The following NBEA variants were observed in gnomAD, a reference collection of about 807,000 sequenced individuals.
NBEA encodes the protein neurobeachin, also known as lysosomal-trafficking regulator 2.
Under a neutral mutation model 343.4 loss-of-function variants are expected in NBEA, and 44 were observed. The ratio of observed to expected loss-of-function variants is 0.13; its 90% CI spans 0.10 to 0.16. The LOEUF (loss-of-function observed/expected upper bound fraction) is 0.16, where lower values mean the gene tolerates loss of function less well. Ranked by LOEUF, NBEA falls within the 10% of genes least tolerant of loss-of-function variation. NBEA has a pLI of 1.00. For synonymous variants in NBEA, 1,175 were observed against 1,238.7 expected, an observed-to-expected ratio of 0.95 and a Z score of 1.08; for missense variants, 2,555 against 3,631.3, an observed-to-expected ratio of 0.70 and a Z score of 7.62.
At chr13:35,301,614 A>T (rs2036554287) in intron 35 of NBEA, among the ~76,000 whole-genome samples, 1 of 152,018 alleles carries the variant, frequency 6.6e-6, no homozygotes, top group Non-Finnish European at 1.5e-5. Flanking sequence ...TTGGTTCCAC[A>T]TCTTTGCTAT....
At chr13:35,291,493 G>A (rs1448575031) in intron 35 of NBEA, among the ~76,000 whole-genome samples, 13 of 151,942 alleles carry the variant, frequency 8.6e-5, no homozygotes, top group Non-Finnish European at 1.5e-5. Context: ...TATTGATAAG[G>A]AAGAGGTTAA....
At chr13:35,511,901 G>C (rs2077292554) in intron 41 of NBEA, among the ~76,000 whole-genome samples, 1 of 152,088 alleles carries the variant, frequency 6.6e-6, no homozygotes, top group East Asian at 1.9e-4. Context: ...AAAAAAGTAT[G>C]GTTGGAAATT....
chr13:35,361,732 A>G (rs752452810), intron 38 of NBEA, among the ~76,000 whole-genome samples: 2 of 152,042 alleles, frequency 1.3e-5, no homozygotes, highest in Non-Finnish European at 2.9e-5. Flanking sequence ...AGAATGCCAC[A>G]TTCCTTCAGA....
chr13:35,608,585 A>G lies in NBEA; in HGVS notation c.7449+2007A>G, dbSNP rs182373047. On this transcript the variant is annotated intron_variant, in intron 48 of 58. Transcript: ENST00000379939. ...CTTGGCACATACTAGTTGTTCAGGA[A>G]ATATTTCTGAGTGAATGAATGAATT... 3.9e-5 allele frequency among the ~76,000 whole-genome samples: 6 copies of G among 152,308 alleles called. No individual in the cohort carries two copies. The East Asian group carries it at 9.7e-4, about 25-fold the overall frequency.
At chr13:35,338,734 C>A (rs544795190) in intron 36 of NBEA, among the ~76,000 whole-genome samples, 1 of 151,886 alleles carries the variant, frequency 6.6e-6, no homozygotes, top group Non-Finnish European at 1.5e-5. Context: ...ACTATGGATG[C>A]AAAAATCCTG....
intron 18 of NBEA, among the ~76,000 whole-genome samples, chr13:35,149,775 T>G (rs1349746260): frequency 1.3e-5 from 2 of 152,212 alleles, no homozygotes; most frequent in African/African-American, 2.4e-5. Flanking sequence ...TCAGTGCAAC[T>G]TTATATTGAG....
At chr13:35,166,375 G>A (rs897300312) in intron 24 of NBEA, among the ~76,000 whole-genome samples, 2 of 152,080 alleles carry the variant, frequency 1.3e-5, no homozygotes, top group Non-Finnish European at 2.9e-5. Context: ...GTTTTATGAT[G>A]ATTGTACAGT....
intron 34 of NBEA, among the ~76,000 whole-genome samples, chr13:35,246,560 G>A (rs997821960): frequency 2.6e-5 from 4 of 152,002 alleles, no homozygotes; most frequent in African/African-American, 9.7e-5. Context: ...TTTCCCTCTG[G>A]ATCCAGCCAC....
At chr13:35,281,679 TCAAAGAAAAAACAC>T (rs2035062741) in intron 34 of NBEA, among the ~76,000 whole-genome samples, 1 of 152,032 alleles carries the variant, frequency 6.6e-6, no homozygotes, top group Non-Finnish European at 1.5e-5. Flanking sequence ...TTTAAGTATT[TCAAAGAAAAAACAC>T]CAGTGCTTTT....
chr13:35,389,802 A>C (rs1260143707), intron 38 of NBEA, among the ~76,000 whole-genome samples: 1 of 152,148 alleles, frequency 6.6e-6, no homozygotes, highest in Non-Finnish European at 1.5e-5. Flanking sequence ...AGAAAGGAGC[A>C]CAGATAAAGT....
Position 35,585,131 on chromosome 13 carries a change from T to TAAAAAAAA in NBEA, c.7176+1097_7176+1104dup, listed in dbSNP as rs775053482. 9.9e-3 allele frequency among the ~76,000 whole-genome samples: 708 copies of TAAAAAAAA among 71,448 alleles called. 57 individuals carry two copies. In the Admixed American group the frequency reaches 0.12, roughly 12 times the overall value. The allele number at this position is 71,448 out of a possible 152,430, so 46.9% of individuals were successfully genotyped here. ...AAATATATTTAAGTCTCACTGACCT[T>TAAAAAAAA]AAAAAAAAAAAGCCTCCTGCCAGCC... On this transcript the variant is annotated intron_variant, in intron 46 of 58. Transcript: ENST00000379939.
At chr13:35,003,191 G>T (rs2061203275) in intron 1 of NBEA, among the ~76,000 whole-genome samples, 1 of 152,084 alleles carries the variant, frequency 6.6e-6, no homozygotes, top group Non-Finnish European at 1.5e-5. Context: ...TGGGCAATAT[G>T]GTGAAACCTC....
At chr13:35,322,390 G>GC (rs1389526533) in intron 36 of NBEA, among the ~76,000 whole-genome samples, 1 of 152,140 alleles carries the variant, frequency 6.6e-6, no homozygotes, top group Non-Finnish European at 1.5e-5. Flanking sequence ...GTGAGGCGAT[G>GC]CCCCACCCTG....
At chr13:35,119,700 C>T (rs2066688504) in intron 16 of NBEA, among the ~76,000 whole-genome samples, 1 of 152,144 alleles carries the variant, frequency 6.6e-6, no homozygotes, top group Non-Finnish European at 1.5e-5. Flanking sequence ...ATTCTCCTGC[C>T]TCAGCCTCCT....
intron 44 of NBEA, among the ~76,000 whole-genome samples, chr13:35,558,488 T>C (rs60347328): frequency 0.012 from 1,859 of 152,278 alleles, 35 homozygotes; most frequent in African/African-American, 0.041. Context: ...GTGAAGATTT[T>C]GGATGAGCAT....
intron 16 of NBEA, among the ~76,000 whole-genome samples, chr13:35,119,174 A>G (rs2066659379): frequency 6.6e-6 from 1 of 152,220 alleles, no homozygotes; most frequent in African/African-American, 2.4e-5. Context: ...TAGGTGAAAT[A>G]TAATTTCTTA....
At chr13:35,562,680 G>C (rs999127085) in intron 44 of NBEA, among the ~76,000 whole-genome samples, 3 of 152,128 alleles carry the variant, frequency 2.0e-5, no homozygotes, top group Middle Eastern at 3.4e-3. Context: ...GATGTAACTT[G>C]AACTGCTTGC....
At chr13:35,389,280 G>T (rs1387682289) in intron 38 of NBEA, among the ~76,000 whole-genome samples, 1 of 152,082 alleles carries the variant, frequency 6.6e-6, no homozygotes, top group Admixed American at 6.6e-5. Flanking sequence ...CAGCTTCTTT[G>T]TTGAGTGTTG....
rs141697213 is a variant in NBEA at position 34,987,206 on chromosome 13, C to T, written c.294+44092C>T. 4.0e-5 allele frequency among the ~76,000 whole-genome samples: 6 copies of T among 151,084 alleles called. No individual in the cohort carries two copies. In the East Asian group the frequency reaches 9.7e-4, roughly 24 times the overall value. ...AAGGCAGGCCTGGTGGTGACAAAAT[C>T]TGTCAGCCTTTGCTTGTCTGTAAAG... On this transcript the variant is annotated intron_variant, in intron 1 of 58. Transcript: ENST00000379939.
Sources: gnomAD v4.1 joint callset for allele counts (sites outside exome capture counted in the v4.1 genomes callset) on GRCh38, gnomAD v4.1.1 for gene constraint, MANE v1.5 for transcripts, NCBI Gene and HGNC (gene_info 2026-07-23, HGNC 2026-07-21) for gene names.